Variants in XKR9 observed in about 807,000 individuals in gnomAD.
XKR9 encodes XK-related protein 9.
In XKR9, 32 loss-of-function variants were observed where a neutral mutation model predicts 32.0. That is an observed-to-expected ratio of 1.00 (90% CI 0.76 to 1.34). XKR9 has a LOEUF of 1.34. Among genes scored for constraint, XKR9 ranks in the 40% most tolerant of loss-of-function variants. XKR9 has a pLI of 0.00. For missense variants in XKR9, 546 were observed against 429.7 expected, an observed-to-expected ratio of 1.27 and a Z score of -2.39; for synonymous variants, 168 against 143.4, an observed-to-expected ratio of 1.17 and a Z score of -1.22.
At chr8:70,778,984 T>C (rs942895889) in intron 2 of XKR9, among the ~76,000 whole-genome samples, 3 of 152,210 alleles carry the variant, frequency 2.0e-5, no homozygotes. Context: ...TCCAACACTA[T>C]GTTGAATAGG....
At chr8:70,738,416 A>G (rs368602833), downstream of XKR9, among the ~76,000 whole-genome samples, 5 of 149,062 alleles carry the variant, frequency 3.4e-5, no homozygotes, top group East Asian at 7.7e-4. Context: ...CTTTCAAAAA[A>G]TCAGCTCCTG....
the XKR9 span, among the ~76,000 whole-genome samples, chr8:70,904,309 G>A: frequency 6.6e-6 from 1 of 152,116 alleles, no homozygotes; most frequent in Non-Finnish European, 1.5e-5. Flanking sequence ...CCTGTATTGG[G>A]TGCATGTATA....
chr8:70,968,237 T>C, the XKR9 span, among the ~76,000 whole-genome samples: 4 of 152,362 alleles, frequency 2.6e-5, no homozygotes, highest in Admixed American at 2.0e-4. Flanking sequence ...CTGCTGTTGA[T>C]ACTTGTGATT....
At chr8:70,741,593 G>C (rs1806984101) in intron 2 of XKR9, among the ~76,000 whole-genome samples, 1 of 152,254 alleles carries the variant, frequency 6.6e-6, no homozygotes, top group South Asian at 2.1e-4. Context: ...AGACTGAATA[G>C]TATTCCATTT....
At chr8:70,854,034 TATATACCCAGTA>T in the XKR9 span, among the ~76,000 whole-genome samples, 3 of 150,042 alleles carry the variant, frequency 2.0e-5, no homozygotes, top group Non-Finnish European at 3.0e-5. Context: ...ATCTTTTGGG[TATATACCCAGTA>T]ATGGGATTGC....
At chr8:70,994,353 T>C in the XKR9 span, among the ~76,000 whole-genome samples, 1 of 152,136 alleles carries the variant, frequency 6.6e-6, no homozygotes, top group Admixed American at 6.5e-5. Flanking sequence ...CCTCCTTCAC[T>C]ATCGATAGAT....
At chr8:70,975,924 G>A in the XKR9 span, among the ~76,000 whole-genome samples, 2 of 152,204 alleles carry the variant, frequency 1.3e-5, no homozygotes, top group Admixed American at 6.5e-5. Context: ...TCGTTGAGCA[G>A]TGGTTTTTAG....
the XKR9 span, among the ~76,000 whole-genome samples, chr8:70,895,311 C>T: frequency 6.6e-6 from 1 of 152,160 alleles, no homozygotes; most frequent in African/African-American, 2.4e-5. Context: ...CTCAGATGCA[C>T]TCCAGCACTC....
the XKR9 span, among the ~76,000 whole-genome samples, chr8:70,926,136 G>A: frequency 2.0e-5 from 3 of 152,018 alleles, no homozygotes; most frequent in South Asian, 2.1e-4. Flanking sequence ...GTGCAATGGC[G>A]CGATCTCGGC....
chr8:70,731,838 C>A (rs1806677082), intron 4 of XKR9, among the ~76,000 whole-genome samples: 1 of 152,196 alleles, frequency 6.6e-6, no homozygotes, highest in East Asian at 1.9e-4. Flanking sequence ...TCGACAATTC[C>A]TTCTGAGATC....
At chr8:70,725,309 T>G (rs1365541438) in intron 4 of XKR9, among the ~76,000 whole-genome samples, 2 of 152,162 alleles carry the variant, frequency 1.3e-5, no homozygotes, top group East Asian at 3.8e-4. Flanking sequence ...GTTGCTCTTT[T>G]GGGTGGATGG....
chr8:70,975,834 G>A, the XKR9 span, among the ~76,000 whole-genome samples: 2 of 152,254 alleles, frequency 1.3e-5, no homozygotes, highest in East Asian at 3.9e-4. Flanking sequence ...ACCTTGGGCA[G>A]TATGGCCATT....
the XKR9 span, among the ~76,000 whole-genome samples, chr8:70,958,479 T>G: frequency 1.3e-5 from 2 of 152,236 alleles, no homozygotes; most frequent in African/African-American, 4.8e-5. Flanking sequence ...TAAAATATGT[T>G]TGTTGGCTGC....
At chr8:71,004,741 T>C in the XKR9 span, among the ~76,000 whole-genome samples, 5 of 152,152 alleles carry the variant, frequency 3.3e-5, no homozygotes, top group African/African-American at 1.2e-4. Flanking sequence ...CAATACAGCC[T>C]CCCTGGCTAG....
At chr8:70,992,755 TG>T in the XKR9 span, among the ~76,000 whole-genome samples, 4 of 152,200 alleles carry the variant, frequency 2.6e-5, no homozygotes, top group Non-Finnish European at 4.4e-5. Context: ...TGTCTTCTGG[TG>T]TTCAGCTTCT....
intron 3 of XKR9, among the ~76,000 whole-genome samples, chr8:70,697,850 C>T (rs1243823065): frequency 5.3e-5 from 8 of 152,120 alleles, no homozygotes; most frequent in African/African-American, 1.9e-4. Context: ...TGATTATTGC[C>T]ACAATTTCAG....
chr8:70,865,780 G>C, the XKR9 span, among the ~76,000 whole-genome samples: 11 of 152,190 alleles, frequency 7.2e-5, no homozygotes, highest in African/African-American at 2.7e-4. Flanking sequence ...TTGTGCTTCT[G>C]AAAGTGTGGT....
At chr8:70,776,546 A>T (rs1421350539) in intron 2 of XKR9, among the ~76,000 whole-genome samples, 1 of 151,752 alleles carries the variant, frequency 6.6e-6, no homozygotes, top group Non-Finnish European at 1.5e-5. Context: ...TTTCTATAAG[A>T]CTCTGAATGC....
At chr8:70,980,657 C>G in the XKR9 span, among the ~76,000 whole-genome samples, 1 of 152,138 alleles carries the variant, frequency 6.6e-6, no homozygotes, top group South Asian at 2.1e-4. Context: ...AGGTACTATT[C>G]TATTCATCAT....
Sources: gnomAD v4.1 joint callset for allele counts (sites outside exome capture counted in the v4.1 genomes callset) on GRCh38, gnomAD v4.1.1 for gene constraint, MANE v1.5 for transcripts, NCBI Gene and HGNC (gene_info 2026-07-23, HGNC 2026-07-21) for gene names.